The following KIRREL3 variants were observed in gnomAD, a reference collection of about 807,000 sequenced individuals.
KIRREL3 encodes kirre like nephrin family adhesion molecule 3.
KIRREL3 carries 36 observed loss-of-function variants against 89.7 expected under a neutral mutation model. The ratio of observed to expected loss-of-function variants is 0.40; its 90% CI spans 0.31 to 0.53. The LOEUF (loss-of-function observed/expected upper bound fraction) is 0.53. KIRREL3 is among the 20% of genes least tolerant of loss of function. KIRREL3 has a pLI of 0.49. For missense variants in KIRREL3, 864 were observed against 1,056.6 expected (o/e 0.82, Z 2.53); for synonymous variants, 445 against 441.4 (o/e 1.01, Z -0.10).
intron 4 of KIRREL3, among the ~76,000 whole-genome samples, chr11:126,494,121 G>A (rs1957596949): frequency 6.6e-6 from 1 of 152,202 alleles, no homozygotes; most frequent in Admixed American, 6.5e-5. Flanking sequence ...GGGAGCTGCA[G>A]TTAATTAAGA....
chr11:126,617,309 C>T (rs1364788943), intron 1 of KIRREL3, among the ~76,000 whole-genome samples: 1 of 152,238 alleles, frequency 6.6e-6, no homozygotes, highest in African/African-American at 2.4e-5. Flanking sequence ...GGCCTCTTCT[C>T]TCTTATAACT....
chr11:126,993,598 G>C lies in KIRREL3; in HGVS notation c.55+6857C>G, dbSNP rs1380721105. On this transcript the variant is annotated intron_variant, in intron 1 of 16. Transcript: ENST00000525144. This position sits in a 1 kb window ranked among gnomAD's most constrained non-coding sequence, Gnocchi z 6.1. ...AATCGAAGTGTCTGCTCCCCAACCA[G>C]ACTAAGAGCTCTGGGGCAGAAACAT... Among the ~76,000 whole-genome samples the C allele has an allele frequency of 6.6e-6, 1 of 152,162 alleles. No individual in the cohort carries two copies. The highest frequency in any genetic ancestry group is 1.5e-5 in the Non-Finnish European group (1 of 68,028).
At position 126,805,176 on chromosome 11, in the gene KIRREL3, T is replaced by C. The variant is rs1322022822; in HGVS notation, c.55+195279A>G. 1.3e-5 allele frequency among the ~76,000 whole-genome samples: 2 copies of C among 152,236 alleles called. No individual in the cohort carries two copies. The highest frequency in any genetic ancestry group is 2.9e-5 in the Non-Finnish European group (2 of 68,034). On this transcript the variant is annotated intron_variant, in intron 1 of 16. Coordinates refer to ENST00000525144, the MANE Select transcript of KIRREL3 (RefSeq NM_032531.4). This position sits in a 1 kb window ranked among gnomAD's most constrained non-coding sequence, Gnocchi z 4.3. ...TACATTAATGTATTAAGGTAACATC[T>C]TTGTATTCAGATTAATCCCTTCATA...
rs1168764523 is a variant in KIRREL3, at chr11:126,642,043, TGCAGATGGA to T, written c.56-79140_56-79132del. ...GAAATGTACCGATGTCCTTAGATGC[TGCAGATGGA>T]GCCCAGATCCCAGTGAGCGACTGCT... On this transcript the variant is annotated intron_variant, in intron 1 of 16. Coordinates refer to ENST00000525144, the MANE Select transcript of KIRREL3 (RefSeq NM_032531.4). This position sits in a 1 kb window ranked among gnomAD's most constrained non-coding sequence, Gnocchi z 4.9. Among the ~76,000 whole-genome samples, 1 of 152,194 alleles carries T rather than the reference TGCAGATGGA, an allele frequency of 6.6e-6. No homozygotes were observed. The highest frequency in any genetic ancestry group is 2.4e-5 in the African/African-American group (1 of 41,460).
Position 126,423,697 on chromosome 11 carries a change from A to T in KIRREL3, c.*883T>A, listed in dbSNP as rs2298473. On this transcript the variant is annotated 3_prime_UTR_variant, in exon 17 of 17. Coordinates refer to ENST00000525144, the MANE Select transcript of KIRREL3 (RefSeq NM_032531.4). ...ACACTTCCCAGGAAGCACTCTCTCCATAAGTGTTCAGAGAACCCTGACCAG... is the reference window on the plus strand; with the variant it reads ...ACACTTCCCAGGAAGCACTCTCTCCTTAAGTGTTCAGAGAACCCTGACCAG... 6.6e-6 allele frequency: 1 copy of T among 152,220 alleles called. No homozygotes were observed. Among genetic ancestry groups the T allele is most frequent in the African/African-American group, 2.4e-5 (1 of 41,456 alleles). 9.4% of individuals were successfully genotyped at this position (152,220 alleles called of 1,614,324 possible).
intron 1 of KIRREL3, among the ~76,000 whole-genome samples, chr11:126,933,300 G>C (rs1419094074): frequency 1.3e-5 from 2 of 151,810 alleles, no homozygotes; most frequent in Non-Finnish European, 2.9e-5. Flanking sequence ...CTTACTCCTT[G>C]AAAAATAAGT....
Position 126,865,121 on chromosome 11 carries a change from G to C in KIRREL3, c.55+135334C>G, listed in dbSNP as rs143286416. Among the ~76,000 whole-genome samples, 567 of 152,276 alleles carry C rather than the reference G, an allele frequency of 3.7e-3. 3 individuals are homozygous for C. The highest frequency in any genetic ancestry group is 0.013 in the African/African-American group (532 of 41,540). ...TTGGACCAGTTTCCTGGATCCCAAG[G>C]CCTCTTTCTCTTCTGCCCCTGGGCC... On this transcript the variant is annotated intron_variant, in intron 1 of 16. Transcript: ENST00000525144.
In KIRREL3 at chr11:126,456,011, C is replaced by T. The variant is rs575581197; in HGVS notation, c.848+338G>A. On this transcript the variant is annotated intron_variant, in intron 7 of 16. Transcript: ENST00000525144. ...GGAGGTTCTGATCTTGCTGCTTCTC[C>T]TGGTTGTTCTGGTTTTTTTTTGTTT... Among the ~76,000 whole-genome samples, 3 of 141,310 alleles carry T rather than the reference C, an allele frequency of 2.1e-5. No homozygotes were observed. In the South Asian group the frequency reaches 6.8e-4, roughly 32 times the overall value. The allele number at this position is 141,310 out of a possible 152,430, so 92.7% of individuals were successfully genotyped here.
chr11:126,953,336 G>A lies in KIRREL3; in HGVS notation c.55+47119C>T, dbSNP rs1948822753. 6.6e-6 allele frequency among the ~76,000 whole-genome samples: 1 copy of A among 151,740 alleles called. No individual in the cohort carries two copies. The highest frequency in any genetic ancestry group is 6.6e-5 in the Admixed American group (1 of 15,202). On this transcript the variant is annotated intron_variant, in intron 1 of 16. Transcript: ENST00000525144. This position sits in a 1 kb window ranked among gnomAD's most constrained non-coding sequence, Gnocchi z 5.2. ...ATCATACACCGGGGCTTGTTGTGGG[G>A]TGGGGGGCTAGGGGAGAGATAGCAT...
intron 1 of KIRREL3, among the ~76,000 whole-genome samples, chr11:126,982,326 A>C (rs1191202613): frequency 6.6e-6 from 1 of 152,244 alleles, no homozygotes; most frequent in African/African-American, 2.4e-5. Context: ...CTGTAGGCTC[A>C]GGGGCTGGCC....
Position 126,669,507 on chromosome 11 carries a change from A to G in KIRREL3, c.56-106595T>C, listed in dbSNP as rs944202549. 1.3e-5 allele frequency among the ~76,000 whole-genome samples: 2 copies of G among 152,214 alleles called. No homozygotes were observed. The highest frequency in any genetic ancestry group is 1.3e-4 in the Admixed American group (2 of 15,284). ...TTTAAGGGCTTAATCATGGGCGGTT[A>G]GATTTTTAACTTCTGGTTCGGACTA... On this transcript the variant is annotated intron_variant, in intron 1 of 16. Coordinates refer to ENST00000525144, the MANE Select transcript of KIRREL3 (RefSeq NM_032531.4). This position sits in a 1 kb window ranked among gnomAD's most constrained non-coding sequence, Gnocchi z 5.0.
rs1946842974 is a variant in KIRREL3, at chr11:126,912,024, CAGT to C, written c.55+88428_55+88430del. On this transcript the variant is annotated intron_variant, in intron 1 of 16. Coordinates refer to ENST00000525144, the MANE Select transcript of KIRREL3 (RefSeq NM_032531.4). This position sits in a 1 kb window ranked among gnomAD's most constrained non-coding sequence, Gnocchi z 4.7. ...AAAAAGAACGGCAACTGGGATGACT[CAGT>C]AGAGACTGGGAAGGAAGCCCTGCAG... Among the ~76,000 whole-genome samples the C allele has an allele frequency of 6.6e-6, 1 of 150,384 alleles. No homozygotes were observed. The highest frequency in any genetic ancestry group is 1.5e-5 in the Non-Finnish European group (1 of 67,616).
At chr11:126,599,842 C>T (rs1214714225) in intron 1 of KIRREL3, among the ~76,000 whole-genome samples, 4 of 152,152 alleles carry the variant, frequency 2.6e-5, no homozygotes, top group Non-Finnish European at 5.9e-5. Context: ...TTTCCATTTT[C>T]TTAGACTAGC....
chr11:126,811,575 T>C lies in KIRREL3; in HGVS notation c.55+188880A>G, dbSNP rs1951389923. Among the ~76,000 whole-genome samples, 1 of 152,168 alleles carries C rather than the reference T, an allele frequency of 6.6e-6. No homozygotes were observed. Among genetic ancestry groups the C allele is most frequent in the Non-Finnish European group, 1.5e-5 (1 of 68,028 alleles). ...CCCTCACAGCATGCAACGTTAGCAA[T>C]GAACTTCTTTTTTTTCTTTTTCTTT... On this transcript the variant is annotated intron_variant, in intron 1 of 16. Coordinates refer to ENST00000525144, the MANE Select transcript of KIRREL3 (RefSeq NM_032531.4). The surrounding 1 kb of genome is among the most constrained non-coding windows in gnomAD (Gnocchi z 4.3).
At chr11:126,690,171 G>A (rs983912774) in intron 1 of KIRREL3, among the ~76,000 whole-genome samples, 3 of 152,078 alleles carry the variant, frequency 2.0e-5, no homozygotes, top group African/African-American at 7.2e-5. Flanking sequence ...TCTGTAGTGC[G>A]GACTATGTGT....
intron 1 of KIRREL3, among the ~76,000 whole-genome samples, chr11:126,716,743 T>G: frequency 5.1e-5 from 1 of 19,660 alleles, no homozygotes; most frequent in East Asian, 3.4e-3. Context: ...TGAGTGTGTG[T>G]GTGTTGGGGG....
At position 126,526,462 on chromosome 11, in the gene KIRREL3, G is replaced by T; in HGVS notation, c.283+76C>A. 2 of 1,397,248 alleles carry T rather than the reference G, an allele frequency of 1.4e-6. No homozygotes were observed. Among genetic ancestry groups the T allele is most frequent in the East Asian group, 2.4e-5 (1 of 41,226 alleles). The allele number at this position is 1,397,248 out of a possible 1,614,324, so 86.6% of individuals were successfully genotyped here. On this transcript the variant is annotated intron_variant, in intron 3 of 16. Transcript: ENST00000525144. The surrounding 1 kb of genome is among the most constrained non-coding windows in gnomAD (Gnocchi z 5.7). The stretch of plus-strand genomic sequence containing the variant: ...TACTCAGACACCTGTGAAGATGGGT[G>T]CTCCCTAGGAAGGTGGATGGGTGAG...
At chr11:126,678,961 C>A (rs755990770) in intron 1 of KIRREL3, among the ~76,000 whole-genome samples, 1 of 152,232 alleles carries the variant, frequency 6.6e-6, no homozygotes, top group Non-Finnish European at 1.5e-5. Flanking sequence ...CCCCTGCCCA[C>A]CTGCTCCTGA....
chr11:126,947,969 G>T (rs1259576143), intron 1 of KIRREL3, among the ~76,000 whole-genome samples: 4 of 152,186 alleles, frequency 2.6e-5, no homozygotes, highest in Non-Finnish European at 4.4e-5. Context: ...AAAACATGGT[G>T]TTGGGCTCCT....
Sources: allele counts gnomAD v4.1 joint callset (sites outside exome capture counted in the v4.1 genomes callset), GRCh38; gene constraint gnomAD v4.1.1; non-coding constraint Gnocchi (gnomAD v3.1); transcripts MANE v1.5; gene names NCBI Gene and HGNC (gene_info 2026-07-23, HGNC 2026-07-21).